Variants in DNAH11 observed in about 807,000 individuals in gnomAD.
DNAH11 encodes axonemal beta dynein heavy chain 11.
DNAH11 carries 442 observed loss-of-function variants against 526.0 expected under a neutral mutation model. The observed-to-expected ratio is 0.84, with a 90% CI of 0.78 to 0.91. The LOEUF (loss-of-function observed/expected upper bound fraction) is 0.91. DNAH11 is among the 40% of genes least tolerant of loss of function. The probability of loss-of-function intolerance (pLI) is 0.00; values close to 1 mark genes in which losing one functional copy is unlikely to be tolerated. For missense variants in DNAH11, 6,989 were observed against 5,448.7 expected, an observed-to-expected ratio of 1.28 and a Z score of -8.90; for synonymous variants, 2,461 against 1,935.9, an observed-to-expected ratio of 1.27 and a Z score of -7.12.
At chr7:21,851,673 G>T (rs1478286960) in intron 66 of DNAH11, 2 of 470,934 alleles carry the variant, frequency 4.2e-6, no homozygotes, top group Non-Finnish European at 8.8e-6. Context: ...AGACTACGAA[G>T]ACTGGGCCCC....
At chr7:21,838,042 A>G (rs1355374691) in intron 65 of DNAH11, among the ~76,000 whole-genome samples, 1 of 152,226 alleles carries the variant, frequency 6.6e-6, no homozygotes, top group East Asian at 1.9e-4. Flanking sequence ...CTAGCCGTGA[A>G]CTATACAGTG....
At position 21,900,027 on chromosome 7, in the gene DNAH11, A is replaced by G; in HGVS notation, c.13210A>G (p.Thr4404Ala). 1 of 1,613,940 alleles carries G rather than the reference A, an allele frequency of 6.2e-7. No individual in the cohort carries two copies. The highest frequency in any genetic ancestry group is 1.1e-5 in the South Asian group (1 of 91,070). The change falls in exon 81 of 82, where the codon ACG becomes GCG. Residue 4404 changes from threonine to alanine, a missense_variant. Transcript: ENST00000409508. The stretch of plus-strand genomic sequence containing the variant: ...AAAAAATGAGTGGCCCCTGGATAAA[A>G]CGCGCTTGACTGCTGATGTTACCAA... ...ARKNEWPLDKTRLTADVTKKT... is the reference protein window; with the variant it reads ...ARKNEWPLDKARLTADVTKKT...
At chr7:21,741,284 G>A (rs770797610) in intron 48 of DNAH11, among the ~76,000 whole-genome samples, 5 of 152,110 alleles carry the variant, frequency 3.3e-5, no homozygotes, top group African/African-American at 1.2e-4. Context: ...TTGATAGTGC[G>A]TCTGTTTTTA....
At position 21,875,978 on chromosome 7, in the gene DNAH11, G is replaced by T. The variant is rs185626441; in HGVS notation, c.12195+2477G>T. On this transcript the variant is annotated intron_variant, in intron 74 of 81. Coordinates refer to ENST00000409508, the MANE Select transcript of DNAH11 (RefSeq NM_001277115.2). ...GGCTCACTGCAAGCTCCGCCTCCCA[G>T]GTTCACGCCATTCTCCTGCCTCAGC... Among the ~76,000 whole-genome samples the T allele has an allele frequency of 6.1e-3, 876 of 144,614 alleles. 8 individuals are homozygous for T. The highest frequency in any genetic ancestry group is 9.5e-3 in the Non-Finnish European group (639 of 67,258). The allele number at this position is 144,614 out of a possible 152,430, so 94.9% of individuals were successfully genotyped here.
chr7:21,615,354 T>G, intron 21 of DNAH11, 82 bp downstream of exon 21: 1 of 1,484,402 alleles, frequency 6.7e-7, no homozygotes, highest in Non-Finnish European at 9.0e-7. Context: ...ATTATTCTAT[T>G]TGGGTTTTAT....
chr7:21,672,715 G>A (rs1196540292), intron 30 of DNAH11, among the ~76,000 whole-genome samples: 3 of 152,204 alleles, frequency 2.0e-5, no homozygotes, highest in Non-Finnish European at 4.4e-5. Flanking sequence ...CTGCAAGGAA[G>A]ATTTTTTTTC....
intron 55 of DNAH11, among the ~76,000 whole-genome samples, chr7:21,773,132 A>T (rs986605484): frequency 1.4e-4 from 22 of 152,170 alleles, no homozygotes. Context: ...CTACTTCAGA[A>T]GTCATAGAGG....
At chr7:21,813,997 A>C (rs969890754) in intron 63 of DNAH11, among the ~76,000 whole-genome samples, 1 of 152,214 alleles carries the variant, frequency 6.6e-6, no homozygotes, top group Non-Finnish European at 1.5e-5. Context: ...GACCTAGATG[A>C]GACAGCCTAT....
intron 5 of DNAH11, 26 bp from the exon 6 acceptor site, chr7:21,564,160 C>T: frequency 5.4e-6 from 8 of 1,476,870 alleles, no homozygotes; most frequent in Middle Eastern, 1.8e-4. Context: ...ACCAGAATCA[C>T]GTTAATGGTG....
At chr7:21,744,815 G>A in intron 50 of DNAH11, 55 bp from the exon 51 acceptor site, 1 of 1,553,128 alleles carries the variant, frequency 6.4e-7, no homozygotes, top group Non-Finnish European at 8.7e-7. Context: ...GCTGCCTGCA[G>A]CTGGACCTCT....
chr7:21,557,507 G>C (rs886448033), intron 2 of DNAH11, among the ~76,000 whole-genome samples: 1 of 152,080 alleles, frequency 6.6e-6, no homozygotes, highest in African/African-American at 2.4e-5. Context: ...TGGTGGAAGG[G>C]GCGAACAAGC....
intron 47 of DNAH11, 111 bp from the exon 48 acceptor site, chr7:21,739,460 G>T: frequency 1.4e-6 from 1 of 739,754 alleles, no homozygotes; most frequent in South Asian, 2.0e-5. Flanking sequence ...CTCACAGAGT[G>T]ATTATGAAGA....
chr7:21,833,159 G>A (rs1199766753), intron 65 of DNAH11, among the ~76,000 whole-genome samples: 4 of 152,148 alleles, frequency 2.6e-5, no homozygotes, highest in Non-Finnish European at 5.9e-5. Context: ...TTTACATTTT[G>A]TATTTGTTTA....
chr7:21,816,999 C>T (rs538252046), intron 64 of DNAH11, among the ~76,000 whole-genome samples: 1 of 152,226 alleles, frequency 6.6e-6, no homozygotes, highest in African/African-American at 2.4e-5. Flanking sequence ...ATATTATATT[C>T]CTTCTCTGGA....
At position 21,768,425 on chromosome 7, in the gene DNAH11, G is replaced by T. The variant is rs10156112; in HGVS notation, c.9102+2836G>T. Among the ~76,000 whole-genome samples the T allele has an allele frequency of 8.4e-3, 1,281 of 152,334 alleles. 17 individuals are homozygous for T. The highest frequency in any genetic ancestry group is 0.03 in the African/African-American group (1,232 of 41,560). On this transcript the variant is annotated intron_variant, in intron 55 of 81. Transcript: ENST00000409508. The stretch of plus-strand genomic sequence containing the variant: ...GACATCTTTGAAAGCAGAGCCAGAT[G>T]AAAGGAGAAGTTACTGAATGGAAAT...
Position 21,901,037 on chromosome 7 carries a change from T to C in DNAH11, c.13334T>C (p.Ile4445Thr), listed in dbSNP as rs1287042608. 3 of 1,611,208 alleles carry C rather than the reference T, an allele frequency of 1.9e-6. No homozygotes were observed. The highest frequency in any genetic ancestry group is 2.5e-6 in the Non-Finnish European group (3 of 1,178,518). Reference sequence around the variant, plus strand: ...CGCTGGGACACCCAAGCAGGAACCATTGTTGAAGCCCGTCTCAAGGAGCTG... The same window carrying C: ...CGCTGGGACACCCAAGCAGGAACCACTGTTGAAGCCCGTCTCAAGGAGCTG... The part of the protein sequence containing the change: ...GARWDTQAGT[I>T]VEARLKELAC... Residue 4445 changes from isoleucine to threonine, a missense_variant, in exon 82 of 82, where the codon ATT becomes ACT. Ile to Thr is a moderately conservative substitution (Grantham distance 89). Transcript: ENST00000409508.
chr7:21,850,364 A>AAAAAAAG (rs1554288424), intron 66 of DNAH11, among the ~76,000 whole-genome samples: 3 of 150,802 alleles, frequency 2.0e-5, no homozygotes, highest in Non-Finnish European at 4.4e-5. Flanking sequence ...CAAAAAAAAA[A>AAAAAAAG]AAAAAGAAAA....
intron 5 of DNAH11, 131 bp from the exon 6 acceptor site, chr7:21,564,054 TA>T: frequency 8.2e-6 from 5 of 613,104 alleles, no homozygotes; most frequent in South Asian, 5.7e-5. Context: ...GGATAAGTAA[TA>T]TAAAAGGAAC....
At chr7:21,781,575 G>A (rs1787942643) in intron 57 of DNAH11, among the ~76,000 whole-genome samples, 1 of 152,162 alleles carries the variant, frequency 6.6e-6, no homozygotes, top group Non-Finnish European at 1.5e-5. Flanking sequence ...AAATTGAAGC[G>A]CTAATATCAT....
Sources: allele counts gnomAD v4.1 joint callset (sites outside exome capture counted in the v4.1 genomes callset), GRCh38; gene constraint gnomAD v4.1.1; transcripts MANE v1.5; gene names NCBI Gene and HGNC (gene_info 2026-07-23, HGNC 2026-07-21).